MYCBP2: variants seen among roughly 807,000 people sequenced by gnomAD.
The protein encoded by MYCBP2 is MYC binding protein 2.
A neutral mutation model predicts 525.3 loss-of-function variants in MYCBP2; 120 were observed. The observed-to-expected ratio is 0.23, with a 90% confidence interval of 0.20 to 0.27. The LOEUF is 0.27. Ranked by LOEUF, MYCBP2 falls within the 10% of genes least tolerant of loss-of-function variation. The pLI is 1.00. For synonymous variants in MYCBP2, 1,894 were observed against 1,955.8 expected (o/e 0.97, Z 0.83); for missense variants, 4,149 against 5,657.1 (o/e 0.73, Z 8.55).
Position 77,316,766 on chromosome 13 carries a change from T to C in MYCBP2, c.302+9708A>G, listed in dbSNP as rs144855892. Among the ~76,000 whole-genome samples the C allele has an allele frequency of 1.6e-3, 237 of 144,754 alleles. 1 individual carries two copies. The highest frequency in any genetic ancestry group is 2.8e-3 in the Non-Finnish European group (177 of 63,432). The allele number at this position is 144,754 out of a possible 152,430, so 95.0% of individuals were successfully genotyped here. ...TTTCTGTTGGTCCAGGTGGCTGACT[T>C]CATGGGGTGGTCACTGGGCCTTTCT... On this transcript the variant is annotated intron_variant, in intron 1 of 82. Transcript: ENST00000544440.
chr13:77,121,089 T>C (rs969136667), intron 55 of MYCBP2: 17 of 189,556 alleles, frequency 9.0e-5, no homozygotes, highest in Non-Finnish European at 1.5e-4. Flanking sequence ...TTTAGTGAAA[T>C]AGAATCTTTA....
chr13:77,172,351 G>A (rs1490939346), intron 37 of MYCBP2, among the ~76,000 whole-genome samples: 3 of 152,110 alleles, frequency 2.0e-5, no homozygotes, highest in Non-Finnish European at 4.4e-5. Context: ...GGGTGGGAAG[G>A]GAAACAAGAG....
At chr13:77,273,339 T>C (rs1594545049) in intron 5 of MYCBP2, 133 bp downstream of exon 5, 1 of 595,802 alleles carries the variant, frequency 1.7e-6, no homozygotes, top group East Asian at 3.1e-5. Flanking sequence ...CTGTAGATTA[T>C]TTATGTATCA....
chr13:77,154,290 C>A (rs1490764813), intron 46 of MYCBP2, among the ~76,000 whole-genome samples: 1 of 150,286 alleles, frequency 6.7e-6, no homozygotes, highest in African/African-American at 2.4e-5. Context: ...TTAGAGCACA[C>A]TGAGTAAGAG....
At chr13:77,059,074 TA>T (rs60594552) in intron 77 of MYCBP2, among the ~76,000 whole-genome samples, 176 of 151,630 alleles carry the variant, frequency 1.2e-3, no homozygotes, top group African/African-American at 4.1e-3. Context: ...TTTTTTTTTT[TA>T]AAAAGGTACC....
intron 40 of MYCBP2, 89 bp from the exon 41 acceptor site, chr13:77,166,643 C>A: frequency 1.3e-6 from 1 of 784,656 alleles, no homozygotes; most frequent in Non-Finnish European, 1.9e-6. Flanking sequence ...TGTGTCTATG[C>A]TTTTATTAAA....
At position 77,083,008 on chromosome 13, in the gene MYCBP2, A is replaced by G. The variant is rs764404191; in HGVS notation, c.11036+24T>C. On this transcript the variant is annotated intron_variant, in intron 63 of 82. Transcript: ENST00000544440. ...ATAAACTCTCTTGTCCAATGTACCT[A>G]GGATATGTGGATACCAAAATTACCT... 23 of 1,600,646 alleles carry G rather than the reference A, an allele frequency of 1.4e-5. No homozygotes were observed. In the Admixed American group the frequency reaches 1.7e-4, roughly 12 times the overall value.
chr13:77,197,377 T>C (rs2061863165), intron 26 of MYCBP2, among the ~76,000 whole-genome samples: 1 of 152,076 alleles, frequency 6.6e-6, no homozygotes, highest in South Asian at 2.1e-4. Context: ...TCAAGAAAAA[T>C]GTCTAGATTT....
intron 36 of MYCBP2, among the ~76,000 whole-genome samples, chr13:77,174,918 ATTAT>A (rs769029276): frequency 1.7e-5 from 2 of 114,298 alleles, no homozygotes; most frequent in Admixed American, 9.7e-5. Context: ...TATAATATAT[ATTAT>A]ATATATATAA....
intron 2 of MYCBP2, among the ~76,000 whole-genome samples, chr13:77,295,775 T>C (rs1202332331): frequency 6.6e-6 from 1 of 152,362 alleles, no homozygotes; most frequent in East Asian, 1.9e-4. Flanking sequence ...ATGGATTTTA[T>C]AGAGATCTCT....
At chr13:77,211,697 T>C (rs2154281837) in intron 22 of MYCBP2, among the ~76,000 whole-genome samples, 1 of 152,316 alleles carries the variant, frequency 6.6e-6, no homozygotes, top group South Asian at 2.1e-4. Context: ...AATATGGATT[T>C]TATCCTACTA....
chr13:77,057,834 C>CTTTTT (rs11419165), intron 78 of MYCBP2, among the ~76,000 whole-genome samples: 7 of 121,106 alleles, frequency 5.8e-5, no homozygotes, highest in Admixed American at 8.3e-5. Context: ...CAATCAACTG[C>CTTTTT]TTTTTTTTTT....
At chr13:77,311,558 T>C (rs570238064) in intron 1 of MYCBP2, among the ~76,000 whole-genome samples, 10 of 141,760 alleles carry the variant, frequency 7.1e-5, no homozygotes, top group Non-Finnish European at 1.3e-4. Context: ...AAGAGAAGTT[T>C]TTTTTTGTTT....
chr13:77,228,580 A>C (rs2066654763), intron 18 of MYCBP2, among the ~76,000 whole-genome samples: 1 of 152,134 alleles, frequency 6.6e-6, no homozygotes. Context: ...ACCAAAGCTT[A>C]GATCTATATA....
rs2051466093 is a variant in MYCBP2, at chr13:77,125,369, T to C, written c.7984A>G (p.Arg2662Gly). The change falls in exon 54 of 83, where the codon AGA becomes GGA. Residue 2662 changes from arginine to glycine, a missense_variant. This residue lies in a region of MYCBP2 where 653 missense variants were observed against 744.7 expected (regional missense o/e 0.88). Transcript: ENST00000544440. ...TGTCGGAGGTACTGGTTTCCGCCTCTGTCTCTAGCTAAGGACCATGCCTCT... is the reference window on the plus strand; with the variant it reads ...TGTCGGAGGTACTGGTTTCCGCCTCCGTCTCTAGCTAAGGACCATGCCTCT... ...EGEAWSLARDRGGNQYLRHED... is the reference protein window; with the variant it reads ...EGEAWSLARDGGGNQYLRHED... 1 of 1,614,004 alleles carries C rather than the reference T, an allele frequency of 6.2e-7. No homozygotes were observed. The highest frequency in any genetic ancestry group is 2.2e-5 in the East Asian group (1 of 44,870).
Position 77,261,215 on chromosome 13 carries a change from A to G in MYCBP2, c.1808T>C (p.Ile603Thr), listed in dbSNP as rs748592779. Residue 603 changes from isoleucine to threonine, a missense_variant, in exon 12 of 83, where the codon ATA (isoleucine) becomes ACA (threonine). Ile to Thr is a moderately conservative substitution (Grantham distance 89). Coordinates refer to ENST00000544440, the MANE Select transcript of MYCBP2 (RefSeq NM_015057.5). Reference sequence around the variant, plus strand: ...TTTACTAGCAGATCCTGTAAAGAATATGCTCCCATCTTCTGCAACTAAAAG... The same window carrying G: ...TTTACTAGCAGATCCTGTAAAGAATGTGCTCCCATCTTCTGCAACTAAAAG... ...HALLVAEDGS[I>T]FFTGSASKGE... 6.2e-7 allele frequency: 1 copy of G among 1,613,608 alleles called. No homozygotes were observed. The highest frequency in any genetic ancestry group is 1.1e-5 in the South Asian group (1 of 91,060).
chr13:77,105,793 C>T (rs2047764994), intron 55 of MYCBP2, among the ~76,000 whole-genome samples: 1 of 152,068 alleles, frequency 6.6e-6, no homozygotes, highest in Non-Finnish European at 1.5e-5. Flanking sequence ...TTTAAAGAAT[C>T]AGGATTTTTC....
chr13:77,249,536 G>A (rs1160373343), intron 15 of MYCBP2, among the ~76,000 whole-genome samples: 1 of 152,280 alleles, frequency 6.6e-6, no homozygotes, highest in South Asian at 2.1e-4. Flanking sequence ...CTTAAGCTCA[G>A]AGAGTGGGGA....
At chr13:77,063,965 A>T (rs1233681310) in intron 73 of MYCBP2, among the ~76,000 whole-genome samples, 1 of 152,194 alleles carries the variant, frequency 6.6e-6, no homozygotes, top group African/African-American at 2.4e-5. Flanking sequence ...GGATTAACCT[A>T]AGCAATTTTT....
Sources: gnomAD v4.1 joint callset for allele counts (sites outside exome capture counted in the v4.1 genomes callset) on GRCh38, gnomAD v4.1.1 for gene constraint, gnomAD v4.1.1 regional missense constraint, MANE v1.5 for transcripts, NCBI Gene and HGNC (gene_info 2026-07-23, HGNC 2026-07-21) for gene names.